The following RELN variants were observed in gnomAD, a reference collection of about 807,000 sequenced individuals.
RELN encodes reelin.
In RELN, 108 loss-of-function variants were observed where a neutral mutation model predicts 427.6. The ratio of observed to expected loss-of-function variants is 0.25; its 90% CI spans 0.22 to 0.30. RELN has a LOEUF of 0.30. Among genes scored for constraint, RELN ranks in the 10% least tolerant of loss-of-function variants. The probability of loss-of-function intolerance (pLI) is 1.00; values close to 1 mark genes in which losing one functional copy is unlikely to be tolerated. For missense variants in RELN, 3,715 were observed against 4,302.8 expected, an observed-to-expected ratio of 0.86 and a Z score of 3.82; for synonymous variants, 1,524 against 1,513.4, an observed-to-expected ratio of 1.01 and a Z score of -0.16.
At chr7:103,746,143 C>T (rs1427605859) in intron 6 of RELN, among the ~76,000 whole-genome samples, 1 of 151,982 alleles carries the variant, frequency 6.6e-6, no homozygotes, top group South Asian at 2.1e-4. Flanking sequence ...CTTTGACAAA[C>T]CTGACAAAAA....
Position 103,929,876 on chromosome 7 carries a change from C to T in RELN, c.227-12691G>A, listed in dbSNP as rs74431707. ...TCCGGCAACTCAAAAGTTTTCACTGCTCTGCACGTGTCTGCAAATGACTGT... is the reference window on the plus strand; with the variant it reads ...TCCGGCAACTCAAAAGTTTTCACTGTTCTGCACGTGTCTGCAAATGACTGT... On this transcript the variant is annotated intron_variant, in intron 1 of 64. Coordinates refer to ENST00000428762, the MANE Select transcript of RELN (RefSeq NM_005045.4). 1.9e-3 allele frequency among the ~76,000 whole-genome samples: 292 copies of T among 152,352 alleles called. 5 individuals carry two copies. In the East Asian group the frequency reaches 0.046, roughly 24 times the overall value.
Position 103,519,416 on chromosome 7 carries a change from C to T in RELN, c.7769G>A (p.Arg2590His), listed in dbSNP as rs541813551. 13 of 1,613,272 alleles carry T rather than the reference C, an allele frequency of 8.1e-6. No homozygotes were observed. The highest frequency in any genetic ancestry group is 2.2e-5 in the East Asian group (1 of 44,890). The change falls in exon 49 of 65, where the codon CGT becomes CAT. Residue 2590 changes from arginine (R) to histidine (H), a missense_variant. Physicochemically the swap from Arg to His is conservative, Grantham distance 29. Transcript: ENST00000428762. ...MYGCLITPNN[R>H]NQGVLLEYSV... ...ATATTCCAAGAGAACACCTTGGTTA[C>T]GGTTGTTTGGTGTAATCAGGCACCC...
chr7:103,671,463 A>T (rs1356802401), intron 11 of RELN, among the ~76,000 whole-genome samples: 3 of 152,154 alleles, frequency 2.0e-5, no homozygotes, highest in Non-Finnish European at 4.4e-5. Context: ...AGACACTAAT[A>T]TAACCTAGAC....
chr7:103,527,816 C>A (rs756323023), intron 46 of RELN, among the ~76,000 whole-genome samples: 3 of 152,122 alleles, frequency 2.0e-5, no homozygotes, highest in Non-Finnish European at 4.4e-5. Context: ...CCAATAAGCA[C>A]AGGATAAGAA....
At chr7:103,851,475 A>C (rs1018197909) in intron 2 of RELN, among the ~76,000 whole-genome samples, 26 of 152,144 alleles carry the variant, frequency 1.7e-4, no homozygotes, top group African/African-American at 6.3e-4. Context: ...TACCCCATTA[A>C]TTTATGGAAA....
intron 1 of RELN, among the ~76,000 whole-genome samples, chr7:103,972,945 T>C (rs1207257354): frequency 6.7e-6 from 1 of 149,572 alleles, no homozygotes; most frequent in South Asian, 2.1e-4. Context: ...AGAAAAACTT[T>C]ATGATTGACA....
chr7:103,732,784 T>G (rs1790387274), intron 6 of RELN, among the ~76,000 whole-genome samples: 1 of 152,164 alleles, frequency 6.6e-6, no homozygotes, highest in South Asian at 2.1e-4. Flanking sequence ...ACAATTTAAC[T>G]TGGTTGAGTG....
chr7:103,518,505 G>GTTTTTTTTTTTTTTTTTTTTTT lies in RELN; in HGVS notation c.7862+817_7862+818insAAAAAAAAAAAAAAAAAAAAAA, dbSNP rs58239018. Among the ~76,000 whole-genome samples, 217 of 114,288 alleles carry GTTTTTTTTTTTTTTTTTTTTTT rather than the reference G, an allele frequency of 1.9e-3. 31 individuals are homozygous for GTTTTTTTTTTTTTTTTTTTTTT. Among genetic ancestry groups the GTTTTTTTTTTTTTTTTTTTTTT allele is most frequent in the African/African-American group, 9.3e-3 (202 of 21,786 alleles). The allele number at this position is 114,288 out of a possible 152,430, so 75.0% of individuals were successfully genotyped here. A position where few individuals can be genotyped will look rare whatever the true frequency, so the allele number is the denominator to read the frequency against. On this transcript the variant is annotated intron_variant, in intron 49 of 64. Coordinates refer to ENST00000428762, the MANE Select transcript of RELN (RefSeq NM_005045.4). ...ATGCCACCACACCCAGGTAATTTAA[G>GTTTTTTTTTTTTTTTTTTTTTT]TTTTTTTTTTTTTTGGTAAAATGTC...
At chr7:103,811,277 T>A (rs957966733) in intron 3 of RELN, among the ~76,000 whole-genome samples, 3 of 152,088 alleles carry the variant, frequency 2.0e-5, no homozygotes, top group African/African-American at 7.2e-5. Context: ...ATCTGAAAAA[T>A]GGCAAAGTGT....
At chr7:103,813,125 T>A (rs1203834377) in intron 3 of RELN, among the ~76,000 whole-genome samples, 11 of 152,194 alleles carry the variant, frequency 7.2e-5, no homozygotes, top group Non-Finnish European at 8.8e-5. Context: ...ATGTAGATAC[T>A]ACGTTTGTTT....
chr7:103,738,593 A>T (rs1226944190), intron 6 of RELN, among the ~76,000 whole-genome samples: 1 of 149,124 alleles, frequency 6.7e-6, no homozygotes, highest in Non-Finnish European at 1.5e-5. Flanking sequence ...TCTTATTTCT[A>T]TCATGTTAAC....
At chr7:103,733,100 A>C (rs1167169612) in intron 6 of RELN, among the ~76,000 whole-genome samples, 2 of 152,168 alleles carry the variant, frequency 1.3e-5, no homozygotes, top group African/African-American at 4.8e-5. Flanking sequence ...CAAGAAAAAA[A>C]CAAACAACCC....
intron 2 of RELN, among the ~76,000 whole-genome samples, chr7:103,876,764 T>C (rs1353869776): frequency 6.6e-6 from 1 of 151,298 alleles, no homozygotes; most frequent in Non-Finnish European, 1.5e-5. Context: ...TCAGAACACA[T>C]GATAAAATGT....
intron 1 of RELN, among the ~76,000 whole-genome samples, chr7:103,975,043 G>T (rs1045035229): frequency 1.3e-5 from 2 of 152,210 alleles, no homozygotes; most frequent in African/African-American, 4.8e-5. Context: ...TCTCACAGAA[G>T]ACATGAGAAT....
At chr7:103,786,519 A>C (rs1584491839) in intron 3 of RELN, among the ~76,000 whole-genome samples, 2 of 13,108 alleles carry the variant, frequency 1.5e-4, no homozygotes, top group Admixed American at 8.0e-4. Flanking sequence ...AATGGAACCA[A>C]AAAAAAAAAA....
chr7:103,481,532 G>C (rs1458091903), intron 63 of RELN, among the ~76,000 whole-genome samples: 1 of 152,176 alleles, frequency 6.6e-6, no homozygotes, highest in Non-Finnish European at 1.5e-5. Context: ...ATGATGCCCA[G>C]TTCCCACTGC....
chr7:103,779,400 T>C (rs927718074), intron 3 of RELN, among the ~76,000 whole-genome samples: 1 of 152,166 alleles, frequency 6.6e-6, no homozygotes, highest in African/African-American at 2.4e-5. Flanking sequence ...TATATATACT[T>C]ACTGTTATTC....
intron 62 of RELN, among the ~76,000 whole-genome samples, chr7:103,483,411 G>A (rs747193826): frequency 3.3e-5 from 5 of 152,126 alleles, no homozygotes; most frequent in Non-Finnish European, 7.3e-5. Flanking sequence ...CTGCCCTTGC[G>A]TTTAGTTATT....
At chr7:103,978,848 A>G (rs1796933559) in intron 1 of RELN, among the ~76,000 whole-genome samples, 1 of 152,220 alleles carries the variant, frequency 6.6e-6, no homozygotes, top group Admixed American at 6.5e-5. Flanking sequence ...AAAAGTTGTA[A>G]TACCTGCATC....
Sources: gnomAD v4.1 joint callset for allele counts (sites outside exome capture counted in the v4.1 genomes callset) on GRCh38, gnomAD v4.1.1 for gene constraint, MANE v1.5 for transcripts, NCBI Gene and HGNC (gene_info 2026-07-23, HGNC 2026-07-21) for gene names.